The following NPAS3 variants were observed in gnomAD, a reference collection of about 807,000 sequenced individuals.
The protein encoded by NPAS3 is neuronal PAS domain-containing protein 3.
Under a neutral mutation model 73.1 loss-of-function variants are expected in NPAS3, and 14 were observed. The ratio of observed to expected loss-of-function variants is 0.19; its 90% CI spans 0.13 to 0.30. The LOEUF (loss-of-function observed/expected upper bound fraction) is 0.30. NPAS3 is among the 10% of genes least tolerant of loss of function. NPAS3 has a pLI of 1.00. For synonymous variants in NPAS3, 620 were observed against 541.5 expected, an observed-to-expected ratio of 1.14 and a Z score of -2.01; for missense variants, 1,096 against 1,250.0, an observed-to-expected ratio of 0.88 and a Z score of 1.86.
chr14:33,265,383 T>C (rs1001752514), intron 3 of NPAS3, among the ~76,000 whole-genome samples: 1 of 152,234 alleles, frequency 6.6e-6, no homozygotes, highest in South Asian at 2.1e-4. Flanking sequence ...TAAGGAGTCA[T>C]ATTTTCTTCA....
At chr14:33,500,596 G>A (rs2052464731) in intron 4 of NPAS3, among the ~76,000 whole-genome samples, 1 of 151,806 alleles carries the variant, frequency 6.6e-6, no homozygotes, top group Admixed American at 6.6e-5. Flanking sequence ...AGGAGAATAC[G>A]GCCTCATTCA....
At chr14:33,367,925 AC>A (rs1335855494) in intron 4 of NPAS3, among the ~76,000 whole-genome samples, 1 of 152,026 alleles carries the variant, frequency 6.6e-6, no homozygotes, top group East Asian at 1.9e-4. Context: ...CTTATTCAAA[AC>A]TTTTTTTTAC....
intron 4 of NPAS3, among the ~76,000 whole-genome samples, chr14:33,540,975 G>A (rs557001807): frequency 9.9e-5 from 15 of 151,884 alleles, no homozygotes; most frequent in South Asian, 8.3e-4. Flanking sequence ...TGTTTAATGC[G>A]TTTTCCCCCC....
intron 3 of NPAS3, 136 bp downstream of exon 3, chr14:33,215,562 C>A: frequency 1.0e-6 from 1 of 993,434 alleles, no homozygotes; most frequent in Non-Finnish European, 1.6e-6. Context: ...AATCTGAACT[C>A]TGCATGAGAA....
chr14:33,628,503 C>T (rs985615161), intron 5 of NPAS3, among the ~76,000 whole-genome samples: 2 of 152,218 alleles, frequency 1.3e-5, no homozygotes, highest in Non-Finnish European at 2.9e-5. Flanking sequence ...GTTTCTGCTG[C>T]AGAGTTTGAA....
chr14:33,803,033 T>C (rs959916153), downstream of NPAS3: 5 of 152,238 alleles, frequency 3.3e-5, no homozygotes, highest in African/African-American at 1.2e-4. Flanking sequence ...CTCTGTCTTC[T>C]GGAGTGCAAC....
chr14:33,531,103 G>T (rs529311153), intron 4 of NPAS3, among the ~76,000 whole-genome samples: 2 of 152,074 alleles, frequency 1.3e-5, no homozygotes, highest in East Asian at 3.9e-4. Flanking sequence ...ACTATCTTTT[G>T]GTTGGAAGGT....
At chr14:33,470,315 G>A (rs1009510779) in intron 4 of NPAS3, among the ~76,000 whole-genome samples, 2 of 152,204 alleles carry the variant, frequency 1.3e-5, no homozygotes, top group African/African-American at 4.8e-5. Context: ...GAGCATGGGG[G>A]ATGCATAAAT....
intron 4 of NPAS3, among the ~76,000 whole-genome samples, chr14:33,455,286 C>T (rs1224682712): frequency 6.6e-6 from 1 of 152,160 alleles, no homozygotes; most frequent in African/African-American, 2.4e-5. Context: ...TGTATTTCAG[C>T]TCCTAAGTTT....
At chr14:33,643,684 G>A (rs1229820992) in intron 5 of NPAS3, among the ~76,000 whole-genome samples, 3 of 152,162 alleles carry the variant, frequency 2.0e-5, no homozygotes, top group South Asian at 4.1e-4. Context: ...TTGCCACAGT[G>A]GATTAAGATG....
At chr14:33,178,923 C>A (rs1308980165) in intron 2 of NPAS3, among the ~76,000 whole-genome samples, 2 of 152,238 alleles carry the variant, frequency 1.3e-5, no homozygotes, top group South Asian at 2.1e-4. Flanking sequence ...TCAGTCTTCC[C>A]ATTGAGTGTG....
intron 4 of NPAS3, 124 bp from the exon 5 acceptor site, chr14:33,559,997 A>G (rs545035407): frequency 1.8e-5 from 9 of 513,114 alleles, no homozygotes; most frequent in African/African-American, 1.4e-4. Context: ...GAGACAGAGC[A>G]AGACTCTGTC....
intron 1 of NPAS3, among the ~76,000 whole-genome samples, chr14:32,958,619 C>T (rs774596704): frequency 1.8e-4 from 28 of 152,164 alleles, no homozygotes; most frequent in Non-Finnish European, 4.1e-4. Context: ...ACACCAGTTT[C>T]TCATTTGCCA....
At chr14:33,630,566 T>C (rs1271207162) in intron 5 of NPAS3, among the ~76,000 whole-genome samples, 1 of 152,218 alleles carries the variant, frequency 6.6e-6, no homozygotes, top group Non-Finnish European at 1.5e-5. Context: ...CTCAATGGAT[T>C]GTATTGGCCA....
chr14:33,641,183 CTTGT>C (rs1281494507), intron 5 of NPAS3, among the ~76,000 whole-genome samples: 1 of 152,096 alleles, frequency 6.6e-6, no homozygotes, highest in Non-Finnish European at 1.5e-5. Context: ...TCCGTTTTGA[CTTGT>C]TTATCTAACT....
intron 5 of NPAS3, among the ~76,000 whole-genome samples, chr14:33,657,371 G>C (rs1489179195): frequency 6.6e-6 from 1 of 152,180 alleles, no homozygotes; most frequent in African/African-American, 2.4e-5. Flanking sequence ...AGTGCTAGGT[G>C]TCTTGGGAAC....
chr14:33,550,150 C>G (rs2055041757), intron 4 of NPAS3, among the ~76,000 whole-genome samples: 1 of 152,056 alleles, frequency 6.6e-6, no homozygotes, highest in African/African-American at 2.4e-5. Context: ...ATCAATACAG[C>G]CAAGCACCAC....
chr14:33,554,935 G>A (rs1341766586), intron 4 of NPAS3, among the ~76,000 whole-genome samples: 1 of 152,202 alleles, frequency 6.6e-6, no homozygotes, highest in Non-Finnish European at 1.5e-5. Flanking sequence ...GAAGCATTCA[G>A]CTTTTGGGGT....
chr14:33,013,569 G>A (rs1367740333), intron 1 of NPAS3, among the ~76,000 whole-genome samples: 1 of 152,008 alleles, frequency 6.6e-6, no homozygotes, highest in Non-Finnish European at 1.5e-5. Flanking sequence ...AAAAAATTTG[G>A]TGATAATCTT....
Sources: allele counts gnomAD v4.1 joint callset (sites outside exome capture counted in the v4.1 genomes callset), GRCh38; gene constraint gnomAD v4.1.1; transcripts MANE v1.5; gene names NCBI Gene and HGNC (gene_info 2026-07-23, HGNC 2026-07-21).